Variants in PPL observed in about 807,000 individuals in gnomAD.
PPL encodes 190 kDa paraneoplastic pemphigus antigen.
PPL carries 198 observed loss-of-function variants against 194.4 expected under a neutral mutation model. The ratio of observed to expected loss-of-function variants is 1.02; its 90% CI spans 0.91 to 1.15. The LOEUF (loss-of-function observed/expected upper bound fraction) is 1.15. Among genes scored for constraint, PPL ranks in the 50% most tolerant of loss-of-function variants. The probability of loss-of-function intolerance (pLI) is 0.00; values close to 1 mark genes in which losing one functional copy is unlikely to be tolerated. For missense variants in PPL, 2,885 were observed against 2,294.8 expected (o/e 1.26, Z -5.25); for synonymous variants, 1,220 against 972.4 (o/e 1.25, Z -4.74).
Position 4,895,679 on chromosome 16 carries a change from C to T in PPL, c.1010G>A (p.Arg337His), listed in dbSNP as rs145641114. 41 of 1,614,010 alleles carry T rather than the reference C, an allele frequency of 2.5e-5. No homozygotes were observed. Among genetic ancestry groups the T allele is most frequent in the East Asian group, 2.5e-4 (11 of 44,886 alleles). The stretch of plus-strand genomic sequence containing the variant: ...CTGGTTCAGGTCCGAGTCCACCTTG[C>T]GCAGCAGCTCCTGAGCGTCCTTCAC... ...EDVKDAQELL[R>H]KVDSDLNQKY... The change falls in exon 10 of 22, where the codon CGC becomes CAC. Residue 337 changes from arginine (R) to histidine (H), a missense_variant. Arg to His is a conservative substitution (Grantham distance 29). Transcript: ENST00000345988.
intron 3 of PPL, among the ~76,000 whole-genome samples, chr16:4,903,427 C>T (rs888249689): frequency 1.3e-5 from 2 of 152,098 alleles, no homozygotes; most frequent in Non-Finnish European, 2.9e-5. Context: ...TGAGGCTGGG[C>T]GCGGTGGCTC....
intron 9 of PPL, among the ~76,000 whole-genome samples, chr16:4,897,332 CAAAAAAA>C (rs57191109): frequency 0.013 from 689 of 53,464 alleles, 8 homozygotes; most frequent in African/African-American, 0.036. Flanking sequence ...AAGACTCTCT[CAAAAAAA>C]AAAAAAAAAA....
rs376157638 is a variant in PPL, at chr16:4,884,997, T to C, written c.3658A>G (p.Arg1220Gly). Residue 1220 changes from arginine (R) to glycine (G), a missense_variant, in exon 22 of 22, where the codon AGG becomes GGG. Transcript: ENST00000345988. The surrounding 1 kb of genome is among the most constrained non-coding windows in gnomAD (Gnocchi z 5.7). Reference protein sequence around the residue: ...RSYQSELEALRRRGPQVEVKE... With the variant: ...RSYQSELEALGRRGPQVEVKE... Reference sequence around the variant, plus strand: ...ACTTCCACCTGGGGGCCTCGCCTCCTGAGGGCCTCCAGCTCACTCTGGTAG... The same window carrying C: ...ACTTCCACCTGGGGGCCTCGCCTCCCGAGGGCCTCCAGCTCACTCTGGTAG... The C allele has an allele frequency of 1.2e-6, 2 of 1,613,922 alleles. No homozygotes were observed. Among genetic ancestry groups the C allele is most frequent in the African/African-American group, 2.7e-5 (2 of 74,932 alleles).
At chr16:4,935,785 G>A (rs1195349255) in intron 1 of PPL, among the ~76,000 whole-genome samples, 1 of 152,184 alleles carries the variant, frequency 6.6e-6, no homozygotes, top group Non-Finnish European at 1.5e-5. Flanking sequence ...GGGGTTGAGT[G>A]GGAGCCCTGG....
intron 1 of PPL, among the ~76,000 whole-genome samples, chr16:4,936,330 T>C (rs1377993875): frequency 6.6e-6 from 1 of 152,110 alleles, no homozygotes; most frequent in Non-Finnish European, 1.5e-5. Flanking sequence ...CCTCCCCCTG[T>C]GCCCCTCGAC....
At position 4,885,828 on chromosome 16, in the gene PPL, C is replaced by A. The variant is rs1435912711; in HGVS notation, c.2827G>T (p.Asp943Tyr). 1.2e-6 allele frequency: 2 copies of A among 1,607,956 alleles called. No homozygotes were observed. The highest frequency in any genetic ancestry group is 2.7e-5 in the African/African-American group (2 of 74,946). Residue 943 changes from aspartate (D) to tyrosine (Y), a missense_variant, in exon 22 of 22, where the codon GAT (aspartate) becomes TAT (tyrosine). Physicochemically the swap from Asp to Tyr is radical, Grantham distance 160. Transcript: ENST00000345988. This position sits in a 1 kb window ranked among gnomAD's most constrained non-coding sequence, Gnocchi z 6.3. ...VRKEVLKKVP[D>Y]PVLEESFQQL... ...TGGAAGCTCTCCTCCAGCACGGGAT[C>A]CGGCACCTTCTTGAGCACCTCCTTC... is the stretch of plus-strand genomic sequence containing the variant.
intron 21 of PPL, among the ~76,000 whole-genome samples, chr16:4,886,839 G>T (rs565314508): frequency 6.6e-6 from 1 of 152,146 alleles, no homozygotes. Context: ...GGCTGGTCTC[G>T]AACTCCTGAC....
At chr16:4,908,086 C>T (rs1327214570) in intron 2 of PPL, among the ~76,000 whole-genome samples, 9 of 150,626 alleles carry the variant, frequency 6.0e-5, no homozygotes, top group Admixed American at 6.6e-5. Flanking sequence ...CACTTGAACC[C>T]GGGAGGTGGA....
intron 1 of PPL, among the ~76,000 whole-genome samples, chr16:4,916,370 C>G (rs897481841): frequency 6.6e-6 from 1 of 152,132 alleles, no homozygotes; most frequent in Non-Finnish European, 1.5e-5. Flanking sequence ...TGCCACCACA[C>G]CCGGCTAACT....
In PPL at chr16:4,899,259, G is replaced by T. The variant is rs983856619; in HGVS notation, c.732C>A (p.Arg244=). 5.0e-6 allele frequency: 8 copies of T among 1,613,814 alleles called. No homozygotes were observed. The highest frequency in any genetic ancestry group is 6.8e-6 in the Non-Finnish European group (8 of 1,179,992). ...KGRMQYDWSD[R]NLDYPSRRRQ... ...GCCGGCGGCTGGGGTAGTCGAGGTT[G>T]CGGTCACTCCAGTCGTACTGCATGC... Residue 244 remains arginine (R), a synonymous_variant, in exon 7 of 22, where the codon CGC becomes CGA. Coordinates refer to ENST00000345988, the MANE Select transcript of PPL (RefSeq NM_002705.5).
chr16:4,884,886 C>T lies in PPL; in HGVS notation c.3769G>A (p.Asp1257Asn). The T allele has an allele frequency of 6.2e-7, 1 of 1,614,120 alleles. No homozygotes were observed. The change falls in exon 22 of 22, where the codon GAC (aspartate) becomes AAC (asparagine). Residue 1257 changes from aspartate (D) to asparagine (N), a missense_variant. Physicochemically the swap from Asp to Asn is conservative, Grantham distance 23. Transcript: ENST00000345988. This position sits in a 1 kb window ranked among gnomAD's most constrained non-coding sequence, Gnocchi z 5.7. ...CACCTTTCGATCAGTCTGGTCTTGT[C>T]CACGATCTCCTCCCTGAGCCGCTGA... ...ELQRLREEIV[D>N]KTRLIERCDL...
intron 8 of PPL, among the ~76,000 whole-genome samples, chr16:4,898,223 C>T (rs1430908141): frequency 2.6e-5 from 4 of 152,088 alleles, no homozygotes; most frequent in African/African-American, 9.7e-5. Flanking sequence ...ACTAAAAATA[C>T]AAAAATTAGC....
chr16:4,883,885 C>T lies in PPL; in HGVS notation c.4770G>A (p.Ala1590=), dbSNP rs756172286. 4.8e-5 allele frequency: 77 copies of T among 1,613,848 alleles called. 1 individual carries two copies. In the Middle Eastern group the frequency reaches 9.9e-4, roughly 21 times the overall value. ...TGTTCCGCAGGTCTCGTGTTTCCGT[C>T]GCTGCCATGTTGATTTCCGATTGGA... ...RRLQSEINMA[A]TETRDLRNMT... is the part of the protein sequence containing the mutation. The change falls in exon 22 of 22, where the codon GCG becomes GCA. Residue 1590 remains alanine (A), a synonymous_variant. Transcript: ENST00000345988. This position sits in a 1 kb window ranked among gnomAD's most constrained non-coding sequence, Gnocchi z 4.8.
In PPL at chr16:4,895,575, G is replaced by T. The variant is rs2088411076; in HGVS notation, c.1095+19C>A. On this transcript the variant is annotated intron_variant, in intron 10 of 21. Coordinates refer to ENST00000345988, the MANE Select transcript of PPL (RefSeq NM_002705.5). ...TCCCCCGCCCCCCGGGCCAGCAGGG[G>T]TCCTGGGCCATCGCTCACATCCAGC... The T allele has an allele frequency of 1.2e-6, 2 of 1,613,636 alleles. No homozygotes were observed. The highest frequency in any genetic ancestry group is 1.3e-5 in the African/African-American group (1 of 75,048).
In PPL at chr16:4,900,956, C is replaced by T. The variant is rs748643255; in HGVS notation, c.564+8G>A. 51 of 1,613,970 alleles carry T rather than the reference C, an allele frequency of 3.2e-5. 1 individual carries two copies. The highest frequency in any genetic ancestry group is 1.6e-4 in the Middle Eastern group (1 of 6,084). On this transcript the variant is annotated splice_region_variant and intron_variant, in intron 5 of 21. Transcript: ENST00000345988. ...CCTGGGTCCCCACCACACCAGCACA[C>T]GCCCCACCTTGTCCCCGTCCTTGGC...
Position 4,894,620 on chromosome 16 carries a change from T to G in PPL, c.1243-2A>C, listed in dbSNP as rs1226788049. The G allele has an allele frequency of 1.2e-6, 2 of 1,612,170 alleles. No homozygotes were observed. Among genetic ancestry groups the G allele is most frequent in the East Asian group, 4.5e-5 (2 of 44,872 alleles). ...GCTGTAGCCCCGCGAGATCAGGCCC[T>G]GGCGGGGGCAGGCTGGACAGTCAGG... On this transcript the variant is annotated splice_acceptor_variant, in intron 11 of 21. Coordinates refer to ENST00000345988, the MANE Select transcript of PPL (RefSeq NM_002705.5). LOFTEE classifies it high-confidence loss of function.
chr16:4,891,918 G>A lies in PPL; in HGVS notation c.1861C>T (p.Leu621=), dbSNP rs1174192722. 1 of 1,613,486 alleles carries A rather than the reference G, an allele frequency of 6.2e-7. No homozygotes were observed. Among genetic ancestry groups the A allele is most frequent in the African/African-American group, 1.3e-5 (1 of 75,026 alleles). Reference sequence around the variant, plus strand: ...GCCAGCAACTCCCAGCTCTGCTGCAGGCTCTTCTCCAGGCGGTTGGCCACA... The same window carrying A: ...GCCAGCAACTCCCAGCTCTGCTGCAAGCTCTTCTCCAGGCGGTTGGCCACA... ...VDVANRLEKS[L]QQSWELLATH... Residue 621 remains leucine (L), a synonymous_variant, in exon 16 of 22, where the codon CTG becomes TTG. Transcript: ENST00000345988.
Position 4,904,046 on chromosome 16 carries a change from A to T in PPL, c.163-6T>A, listed in dbSNP as rs771716869. ...TCCTGCAGCCGAGCCAGGTCCTGTGAGGGTCACAAGAGAGGGGACAATGAA... is the reference window on the plus strand; with the variant it reads ...TCCTGCAGCCGAGCCAGGTCCTGTGTGGGTCACAAGAGAGGGGACAATGAA... On this transcript the variant is annotated splice_polypyrimidine_tract_variant and splice_region_variant and intron_variant, in intron 2 of 21. Coordinates refer to ENST00000345988, the MANE Select transcript of PPL (RefSeq NM_002705.5). The T allele has an allele frequency of 2.5e-6, 4 of 1,610,028 alleles. No individual in the cohort carries two copies. The highest frequency in any genetic ancestry group is 3.4e-6 in the Non-Finnish European group (4 of 1,179,416).
rs773290437 is a variant in PPL at position 4,883,517 on chromosome 16, C to T, written c.5138G>A (p.Arg1713Lys). 20 of 1,614,216 alleles carry T rather than the reference C, an allele frequency of 1.2e-5. No individual in the cohort carries two copies. Among genetic ancestry groups the T allele is most frequent in the Non-Finnish European group, 1.6e-5 (19 of 1,180,038 alleles). The change falls in exon 22 of 22, where the codon AGG becomes AAG. Residue 1713 changes from arginine (R) to lysine (K), a missense_variant. By Grantham distance (26) the Arg-to-Lys change is conservative. Coordinates refer to ENST00000345988, the MANE Select transcript of PPL (RefSeq NM_002705.5). This position sits in a 1 kb window ranked among gnomAD's most constrained non-coding sequence, Gnocchi z 4.8. ...GATGGAGAACTTCTTGCCAGACTTC[C>T]TGTCGTGTATCACTGAGGACTCCCC... is the stretch of plus-strand genomic sequence containing the variant. ...PNGESSVIHD[R>K]KSGKKFSIEE...
Sources: allele counts gnomAD v4.1 joint callset (sites outside exome capture counted in the v4.1 genomes callset), GRCh38; gene constraint gnomAD v4.1.1; non-coding constraint Gnocchi (gnomAD v3.1); transcripts MANE v1.5; gene names NCBI Gene and HGNC (gene_info 2026-07-23, HGNC 2026-07-21).